Variants in MCOLN2 observed in about 807,000 individuals in gnomAD.
The protein encoded by MCOLN2 is mucolipin TRP cation channel 2.
In MCOLN2, 57 loss-of-function variants were observed where a neutral mutation model predicts 67.5. That is an observed-to-expected ratio of 0.84 (90% CI 0.68 to 1.05). The LOEUF is 1.05. MCOLN2 is among the 50% of genes least tolerant of loss of function. The pLI, the probability that MCOLN2 is intolerant of heterozygous loss-of-function variation, is 0.00. For synonymous variants in MCOLN2, 246 were observed against 233.3 expected, an observed-to-expected ratio of 1.05 and a Z score of -0.50; for missense variants, 620 against 678.8, an observed-to-expected ratio of 0.91 and a Z score of 0.96.
At chr1:84,958,428 T>C in intron 3 of MCOLN2, 101 bp downstream of exon 3, 1 of 929,356 alleles carries the variant, frequency 1.1e-6, no homozygotes, top group Admixed American at 2.9e-5. Flanking sequence ...AAACTTACAT[T>C]AGAATATTTT....
intron 1 of MCOLN2, among the ~76,000 whole-genome samples, chr1:84,991,725 AC>A (rs1650899239): frequency 6.6e-6 from 1 of 152,142 alleles, no homozygotes; most frequent in African/African-American, 2.4e-5. Context: ...ACCTCTGATC[AC>A]CACTTTGCTG....
intron 11 of MCOLN2, among the ~76,000 whole-genome samples, chr1:84,935,045 C>T (rs1647345753): frequency 6.6e-6 from 1 of 152,302 alleles, no homozygotes; most frequent in African/African-American, 2.4e-5. Context: ...AAAAATCCCA[C>T]AAAAATGCCC....
intron 1 of MCOLN2, 105 bp from the exon 2 acceptor site, chr1:84,965,813 T>A (rs1233211202): frequency 1.0e-6 from 1 of 970,556 alleles, no homozygotes; most frequent in East Asian, 2.6e-5. Context: ...TGGCATGTCA[T>A]ATACTGAAAA....
At chr1:84,952,374 T>C (rs781220071) in intron 5 of MCOLN2, 35 bp from the exon 6 acceptor site, 7 of 1,581,250 alleles carry the variant, frequency 4.4e-6, no homozygotes, top group Admixed American at 1.7e-5. Context: ...TAAATTGTCA[T>C]AATCTTACTA....
At chr1:84,957,897 T>C (rs1341502007) in intron 3 of MCOLN2, among the ~76,000 whole-genome samples, 1 of 152,220 alleles carries the variant, frequency 6.6e-6, no homozygotes, top group Non-Finnish European at 1.5e-5. Context: ...ACTTCAATAT[T>C]TATTGAGTGA....
chr1:84,942,199 C>T (rs1647826901), intron 7 of MCOLN2, among the ~76,000 whole-genome samples: 1 of 152,224 alleles, frequency 6.6e-6, no homozygotes, highest in African/African-American at 2.4e-5. Context: ...CTCCTATATA[C>T]TTTCATGGTT....
chr1:84,925,667 C>A lies in MCOLN2; in HGVS notation c.*1018G>T, dbSNP rs1008701854. ...GGTAAATACCCAACCCAGCAGAGTT[C>A]AATTGTTAAAATGAGTGACCGCTGC... On this transcript the variant is annotated 3_prime_UTR_variant, in exon 14 of 14. Coordinates refer to ENST00000370608, the MANE Select transcript of MCOLN2 (RefSeq NM_153259.4). 1 of 152,144 alleles carries A rather than the reference C, an allele frequency of 6.6e-6. No individual in the cohort carries two copies. Among genetic ancestry groups the A allele is most frequent in the South Asian group, 2.1e-4 (1 of 4,830 alleles). 9.4% of individuals were successfully genotyped at this position (152,144 alleles called of 1,614,324 possible).
intron 11 of MCOLN2, among the ~76,000 whole-genome samples, chr1:84,936,480 T>A (rs1289031462): frequency 1.3e-5 from 2 of 152,306 alleles, no homozygotes; most frequent in East Asian, 3.9e-4. Flanking sequence ...TTTTCCAGGC[T>A]CTAAGACAGT....
rs948812329 is a variant in MCOLN2, at chr1:84,926,633, T to C, written c.*52A>G. The C allele has an allele frequency of 7.0e-7, 1 of 1,433,104 alleles. No homozygotes were observed. Among genetic ancestry groups the C allele is most frequent in the East Asian group, 2.4e-5 (1 of 41,088 alleles). The allele number at this position is 1,433,104 out of a possible 1,614,324, so 88.8% of individuals were successfully genotyped here. On this transcript the variant is annotated 3_prime_UTR_variant, in exon 14 of 14. Coordinates refer to ENST00000370608, the MANE Select transcript of MCOLN2 (RefSeq NM_153259.4). ...TTGTCCAAGTCATTTGGGGTTCCTC[T>C]GCTCAGCCGCTGGATAAGGATGCCT...
At chr1:84,955,275 G>A (rs140301849) in intron 4 of MCOLN2, among the ~76,000 whole-genome samples, 15 of 152,192 alleles carry the variant, frequency 9.9e-5, no homozygotes, top group South Asian at 8.3e-4. Context: ...AAATTATTGC[G>A]TATGTCTTTA....
intron 11 of MCOLN2, among the ~76,000 whole-genome samples, chr1:84,931,980 T>C (rs2102801329): frequency 6.6e-6 from 1 of 151,904 alleles, no homozygotes; most frequent in Admixed American, 6.6e-5. Context: ...GCCAAGCTTC[T>C]GCCACTGCAC....
intron 7 of MCOLN2, among the ~76,000 whole-genome samples, chr1:84,945,327 T>C (rs1215557729): frequency 6.6e-6 from 1 of 152,162 alleles, no homozygotes; most frequent in Non-Finnish European, 1.5e-5. Flanking sequence ...TCACAGAAAA[T>C]TGGCAACCTA....
chr1:84,944,597 G>C (rs1015456236), intron 7 of MCOLN2, among the ~76,000 whole-genome samples: 1 of 152,150 alleles, frequency 6.6e-6, no homozygotes, highest in Admixed American at 6.5e-5. Context: ...ATCCCGCCAA[G>C]AAGGAGTCCC....
intron 4 of MCOLN2, among the ~76,000 whole-genome samples, chr1:84,954,465 T>A (rs1387260459): frequency 2.0e-5 from 3 of 152,218 alleles, no homozygotes; most frequent in Non-Finnish European, 4.4e-5. Flanking sequence ...CTGGACTTTA[T>A]ATATTCTCTC....
intron 1 of MCOLN2, among the ~76,000 whole-genome samples, chr1:84,970,380 A>G (rs111970799): frequency 9.9e-5 from 15 of 152,040 alleles, no homozygotes; most frequent in African/African-American, 3.4e-4. Flanking sequence ...AAATACTTAA[A>G]GAATACTGGC....
intron 1 of MCOLN2, among the ~76,000 whole-genome samples, chr1:84,985,233 C>T (rs1206120600): frequency 2.0e-5 from 3 of 152,252 alleles, no homozygotes; most frequent in African/African-American, 7.2e-5. Context: ...TCAGGGTAAA[C>T]CATTTCTTGC....
At position 84,939,753 on chromosome 1, in the gene MCOLN2, G is replaced by T. The variant is rs1647645047; in HGVS notation, c.961-51C>A. 11 of 1,590,724 alleles carry T rather than the reference G, an allele frequency of 6.9e-6. No individual in the cohort carries two copies. In the East Asian group the frequency reaches 2.5e-4, roughly 36 times the overall value. ...TTCTTACAAACCACACTGCCCTCTG[G>T]AAGAAGAAGGCAAGTGCAAAACAGT... On this transcript the variant is annotated intron_variant, in intron 8 of 13. Transcript: ENST00000370608.
intron 1 of MCOLN2, among the ~76,000 whole-genome samples, chr1:84,993,326 G>GT (rs1650982677): frequency 6.6e-6 from 1 of 152,024 alleles, no homozygotes; most frequent in Non-Finnish European, 1.5e-5. Context: ...AAGTAATTGT[G>GT]TTTTTTTGCC....
intron 1 of MCOLN2, among the ~76,000 whole-genome samples, chr1:84,988,927 T>G (rs1342224629): frequency 1.3e-5 from 2 of 152,180 alleles, no homozygotes; most frequent in Non-Finnish European, 1.5e-5. Context: ...TTCCCCCAGC[T>G]CTTTGTGTGT....
Sources: allele counts gnomAD v4.1 joint callset (sites outside exome capture counted in the v4.1 genomes callset), GRCh38; gene constraint gnomAD v4.1.1; transcripts MANE v1.5; gene names NCBI Gene and HGNC (gene_info 2026-07-23, HGNC 2026-07-21).